The following EXT1 variants were observed in gnomAD, a reference collection of about 807,000 sequenced individuals.
The protein encoded by EXT1 is exostosin glycosyltransferase 1, also known as exostosin-1.
Under a neutral mutation model 82.5 loss-of-function variants are expected in EXT1, and 20 were observed. The observed-to-expected ratio is 0.24, with a 90% CI of 0.17 to 0.35. The LOEUF is 0.35. EXT1 is among the 10% of genes least tolerant of loss of function. EXT1 has a pLI of 1.00. For synonymous variants in EXT1, 348 were observed against 350.8 expected, an observed-to-expected ratio of 0.99 and a Z score of 0.09; for missense variants, 757 against 936.5, an observed-to-expected ratio of 0.81 and a Z score of 2.50.
intron 1 of EXT1, among the ~76,000 whole-genome samples, chr8:117,888,726 TG>T (rs1176447033): frequency 6.6e-6 from 1 of 152,214 alleles, no homozygotes; most frequent in Non-Finnish European, 1.5e-5. Flanking sequence ...ATTCAAGATC[TG>T]TTCGAGTTCC....
intron 1 of EXT1, among the ~76,000 whole-genome samples, chr8:117,846,816 G>A (rs940987442): frequency 4.6e-5 from 7 of 152,164 alleles, no homozygotes; most frequent in African/African-American, 1.7e-4. Context: ...TCTGTTCTAA[G>A]GGTGTCAGCT....
chr8:118,062,465 C>T (rs1816898840), intron 1 of EXT1, among the ~76,000 whole-genome samples: 1 of 152,138 alleles, frequency 6.6e-6, no homozygotes, highest in African/African-American at 2.4e-5. Context: ...TACGTGGACA[C>T]TATTCCAAGA....
chr8:117,827,815 A>AAAAAAAAAAAAAAAAAT (rs1812032328), intron 4 of EXT1, among the ~76,000 whole-genome samples: 1 of 133,544 alleles, frequency 7.5e-6, no homozygotes, highest in African/African-American at 2.7e-5. Flanking sequence ...AAAAAAAAAA[A>AAAAAAAAAAAAAAAAAT]TCTTAACATT....
chr8:117,804,550 A>C (rs920861329), intron 10 of EXT1, among the ~76,000 whole-genome samples, 172 bp downstream of exon 10: 2 of 152,170 alleles, frequency 1.3e-5, no homozygotes, highest in African/African-American at 4.8e-5. Flanking sequence ...GTGTCTTCCT[A>C]ATTATCCCTG....
intron 4 of EXT1, among the ~76,000 whole-genome samples, chr8:117,826,991 C>T (rs1366133505): frequency 6.6e-6 from 1 of 152,074 alleles, no homozygotes; most frequent in Non-Finnish European, 1.5e-5. Flanking sequence ...TGCAATAAAC[C>T]ATATGCAAAA....
intron 1 of EXT1, among the ~76,000 whole-genome samples, chr8:118,036,738 G>A (rs991374982): frequency 6.6e-6 from 1 of 152,042 alleles, no homozygotes; most frequent in Non-Finnish European, 1.5e-5. Context: ...TTGAACAGGA[G>A]GCCCTTCATT....
chr8:117,878,329 T>C (rs141300111), intron 1 of EXT1, among the ~76,000 whole-genome samples: 1 of 152,280 alleles, frequency 6.6e-6, no homozygotes, highest in East Asian at 1.9e-4. Context: ...AGATTTTCTA[T>C]TAGAGGCAGA....
intron 1 of EXT1, among the ~76,000 whole-genome samples, chr8:118,020,671 T>C (rs1310334242): frequency 6.6e-6 from 1 of 152,154 alleles, no homozygotes; most frequent in African/African-American, 2.4e-5. Flanking sequence ...CCTGATCGAA[T>C]AGTATTACAT....
intron 1 of EXT1, among the ~76,000 whole-genome samples, chr8:118,107,992 C>A (rs1361884245): frequency 6.6e-6 from 1 of 152,110 alleles, no homozygotes; most frequent in Non-Finnish European, 1.5e-5. Flanking sequence ...CAGACCCAAT[C>A]CTGAGGTCCT....
In EXT1 at chr8:118,110,201, G is replaced by C; in HGVS notation, c.846C>G (p.Ala282=). The change falls in exon 1 of 11, where the codon GCC becomes GCG. Residue 282 remains alanine (A), a synonymous_variant. Transcript: ENST00000378204. ...CCTCCCCGTTATGGACGTGATATAAGGCATTCCTGGTGTCTGATCCTATCC... is the reference window on the plus strand; with the variant it reads ...CCTCCCCGTTATGGACGTGATATAACGCATTCCTGGTGTCTGATCCTATCC... ...LTGIGSDTRN[A]LYHVHNGEDV... 6.2e-7 allele frequency: 1 copy of C among 1,614,196 alleles called. No homozygotes were observed. The highest frequency in any genetic ancestry group is 8.5e-7 in the Non-Finnish European group (1 of 1,180,040).
At chr8:117,856,229 G>C (rs1303497882) in intron 1 of EXT1, among the ~76,000 whole-genome samples, 4 of 151,368 alleles carry the variant, frequency 2.6e-5, no homozygotes, top group African/African-American at 9.7e-5. Context: ...TTCCCCTTAA[G>C]CCAAAGCAGA....
At chr8:117,939,948 T>C (rs1814241293) in intron 1 of EXT1, among the ~76,000 whole-genome samples, 1 of 152,212 alleles carries the variant, frequency 6.6e-6, no homozygotes, top group Non-Finnish European at 1.5e-5. Flanking sequence ...GGCTATTGGA[T>C]TGTGACTGTA....
At position 118,036,379 on chromosome 8, in the gene EXT1, C is replaced by T. The variant is rs146291518; in HGVS notation, c.962+73706G>A. Among the ~76,000 whole-genome samples the T allele has an allele frequency of 7.2e-3, 1,094 of 152,182 alleles. 8 individuals are homozygous for T. The highest frequency in any genetic ancestry group is 0.011 in the Non-Finnish European group (722 of 67,998). ...TATAGTCTCCATATCTCTCAGTGGCCGCCCCTTTTCGGTCTCCTCCTAGGC... is the reference window on the plus strand; with the variant it reads ...TATAGTCTCCATATCTCTCAGTGGCTGCCCCTTTTCGGTCTCCTCCTAGGC... On this transcript the variant is annotated intron_variant, in intron 1 of 10. Coordinates refer to ENST00000378204, the MANE Select transcript of EXT1 (RefSeq NM_000127.3).
chr8:117,887,303 T>G (rs1813163218), intron 1 of EXT1, among the ~76,000 whole-genome samples: 1 of 152,154 alleles, frequency 6.6e-6, no homozygotes, highest in South Asian at 2.1e-4. Context: ...CAAAAATATT[T>G]TGTAAGGAGT....
chr8:118,076,722 G>T (rs1419191388), intron 1 of EXT1, among the ~76,000 whole-genome samples: 3 of 152,320 alleles, frequency 2.0e-5, no homozygotes, highest in East Asian at 1.9e-4. Flanking sequence ...AAATTTTTAG[G>T]AGGTCGAGAT....
At chr8:117,807,662 A>G (rs372132813) in intron 8 of EXT1, among the ~76,000 whole-genome samples, 4 of 152,166 alleles carry the variant, frequency 2.6e-5, no homozygotes, top group Admixed American at 2.6e-4. Context: ...AAGCTAAAAC[A>G]TAAGTTGAAA....
chr8:117,812,565 G>T (rs757967651), intron 8 of EXT1, among the ~76,000 whole-genome samples: 1 of 152,058 alleles, frequency 6.6e-6, no homozygotes, highest in Non-Finnish European at 1.5e-5. Context: ...TCAGTTCTGC[G>T]CAACTGCTCA....
chr8:117,947,174 T>C (rs1341303783), intron 1 of EXT1, among the ~76,000 whole-genome samples: 2 of 152,216 alleles, frequency 1.3e-5, no homozygotes, highest in Non-Finnish European at 2.9e-5. Flanking sequence ...TAAGCCACTC[T>C]TGTGGGTAAA....
chr8:117,948,525 T>A (rs940601158), intron 1 of EXT1, among the ~76,000 whole-genome samples: 2 of 152,218 alleles, frequency 1.3e-5, no homozygotes, highest in Non-Finnish European at 1.5e-5. Context: ...CATACAACTT[T>A]ACACATAGTA....
Sources: allele counts gnomAD v4.1 joint callset (sites outside exome capture counted in the v4.1 genomes callset), GRCh38; gene constraint gnomAD v4.1.1; transcripts MANE v1.5; gene names NCBI Gene and HGNC (gene_info 2026-07-23, HGNC 2026-07-21).